POU2F1: variants seen among roughly 807,000 people sequenced by gnomAD.
The protein encoded by POU2F1 is POU domain, class 2, transcription factor 1.
In POU2F1, 16 loss-of-function variants were observed where a neutral mutation model predicts 84.9. That is an observed-to-expected ratio of 0.19 (90% CI 0.13 to 0.29). POU2F1 has a LOEUF of 0.29. POU2F1 is among the 10% of genes least tolerant of loss of function. The probability of loss-of-function intolerance (pLI) is 1.00; values close to 1 mark genes in which losing one functional copy is unlikely to be tolerated. For missense variants in POU2F1, 738 were observed against 942.6 expected (o/e 0.78, Z 2.84); for synonymous variants, 368 against 368.3 (o/e 1.00, Z 0.01).
chr1:167,319,570 C>A (rs781743933), intron 1 of POU2F1, among the ~76,000 whole-genome samples: 3 of 151,760 alleles, frequency 2.0e-5, no homozygotes, highest in Non-Finnish European at 4.4e-5. Flanking sequence ...GTTTAATATT[C>A]CATAGAGAGA....
At chr1:167,314,388 C>T (rs2102611499) in intron 1 of POU2F1, among the ~76,000 whole-genome samples, 1 of 152,270 alleles carries the variant, frequency 6.6e-6, no homozygotes, top group East Asian at 1.9e-4. Context: ...GTGACAATAC[C>T]AAATGCTAGT....
At chr1:167,309,101 T>C (rs1304769524) in intron 1 of POU2F1, among the ~76,000 whole-genome samples, 1 of 150,830 alleles carries the variant, frequency 6.6e-6, no homozygotes, top group Non-Finnish European at 1.5e-5. Context: ...CTTCCACTAG[T>C]GGTTTTTTTT....
intron 1 of POU2F1, among the ~76,000 whole-genome samples, chr1:167,285,607 G>A (rs1467007813): frequency 6.6e-6 from 1 of 151,504 alleles, no homozygotes; most frequent in Non-Finnish European, 1.5e-5. Flanking sequence ...AAAAAAAAAA[G>A]TATTTTTAAT....
chr1:167,393,167 T>A (rs1455194596), intron 9 of POU2F1, among the ~76,000 whole-genome samples: 1 of 152,198 alleles, frequency 6.6e-6, no homozygotes, highest in Non-Finnish European at 1.5e-5. Context: ...ATAATATAGT[T>A]AAGATTATAT....
chr1:167,297,605 T>C (rs535674767), intron 1 of POU2F1, among the ~76,000 whole-genome samples: 83 of 152,362 alleles, frequency 5.4e-4, no homozygotes, highest in African/African-American at 1.9e-3. Context: ...TGCAGTTCAC[T>C]TCTGAGCAAG....
Position 167,393,236 on chromosome 1 carries a change from T to C in POU2F1, c.988-3050T>C, listed in dbSNP as rs189259663. On this transcript the variant is annotated intron_variant, in intron 9 of 15. Coordinates refer to ENST00000367866, the MANE Select transcript of POU2F1 (RefSeq NM_002697.4). ...AGTGATAACCCAAGATGGTTGTGAG[T>C]TGGATTATCACGAAAGAGCATTAAA... Among the ~76,000 whole-genome samples the C allele has an allele frequency of 1.9e-3, 291 of 152,242 alleles. 3 individuals carry two copies. The highest frequency in any genetic ancestry group is 1.4e-3 in the Non-Finnish European group (98 of 67,996).
chr1:167,275,322 G>A (rs565298686), intron 1 of POU2F1, among the ~76,000 whole-genome samples: 25 of 151,928 alleles, frequency 1.6e-4, no homozygotes, highest in Non-Finnish European at 3.2e-4. Flanking sequence ...CACTGTGCCC[G>A]GCTGTAATAA....
chr1:167,273,362 C>G (rs576679574), intron 1 of POU2F1, among the ~76,000 whole-genome samples: 1 of 152,356 alleles, frequency 6.6e-6, no homozygotes, highest in South Asian at 2.1e-4. Flanking sequence ...GGCACTGCCT[C>G]TGTGGCGACT....
At chr1:167,366,355 G>T (rs903940792) in intron 3 of POU2F1, among the ~76,000 whole-genome samples, 1 of 152,222 alleles carries the variant, frequency 6.6e-6, no homozygotes, top group African/African-American at 2.4e-5. Flanking sequence ...GGTGCCTAAT[G>T]ATGGTAGTGG....
At chr1:167,374,404 T>G (rs1660194641) in intron 6 of POU2F1, 108 bp downstream of exon 6, 1 of 1,066,640 alleles carries the variant, frequency 9.4e-7, no homozygotes, top group Non-Finnish European at 1.3e-6. Flanking sequence ...CTTAACTGCC[T>G]GAGGAGCTCT....
At chr1:167,221,106 G>C (rs1648092757) in intron 1 of POU2F1, 148 bp downstream of exon 1, 1 of 784,774 alleles carries the variant, frequency 1.3e-6, no homozygotes, top group Admixed American at 2.3e-5. Flanking sequence ...TTGAGCCCCC[G>C]CCGGGCGCTG....
chr1:167,363,841 AT>A lies in POU2F1; in HGVS notation c.128-1624del, dbSNP rs201531796. Reference sequence around the variant, plus strand: ...CTTCATGTTCTATACCTAATTATTCATTCTTATTTAAGTAATACATCTGCCA... The same window carrying A: ...CTTCATGTTCTATACCTAATTATTCATCTTATTTAAGTAATACATCTGCCA... On this transcript the variant is annotated intron_variant, in intron 2 of 15. Transcript: ENST00000367866. Among the ~76,000 whole-genome samples, 775 of 152,330 alleles carry A rather than the reference AT, an allele frequency of 5.1e-3. 7 individuals are homozygous for A. Among genetic ancestry groups the A allele is most frequent in the African/African-American group, 0.018 (731 of 41,564 alleles).
intron 1 of POU2F1, among the ~76,000 whole-genome samples, chr1:167,326,298 CA>C (rs2101712372): frequency 1.3e-5 from 2 of 152,338 alleles, no homozygotes; most frequent in Non-Finnish European, 2.9e-5. Flanking sequence ...TTCCTTTGTA[CA>C]ACGGGTGTTC....
intron 1 of POU2F1, among the ~76,000 whole-genome samples, chr1:167,256,078 T>C (rs1651115034): frequency 6.6e-6 from 1 of 152,212 alleles, no homozygotes; most frequent in African/African-American, 2.4e-5. Flanking sequence ...CACATTACTC[T>C]AGTGAAGCCA....
chr1:167,231,532 G>GA (rs1649061059), intron 1 of POU2F1, among the ~76,000 whole-genome samples: 1 of 152,190 alleles, frequency 6.6e-6, no homozygotes. Context: ...ACTAGATTAT[G>GA]ATGAACCAAT....
intron 1 of POU2F1, chr1:167,241,619 G>C (rs982073712): frequency 2.0e-5 from 3 of 152,126 alleles, no homozygotes; most frequent in African/African-American, 7.2e-5. Context: ...AGGTTTTCCA[G>C]TTTATTTTTA....
At chr1:167,349,707 A>G (rs1267749787) in intron 2 of POU2F1, among the ~76,000 whole-genome samples, 2 of 152,230 alleles carry the variant, frequency 1.3e-5, no homozygotes, top group South Asian at 2.1e-4. Flanking sequence ...TATTGAATAC[A>G]GCATTTATTT....
chr1:167,299,082 G>C (rs2102559028), intron 1 of POU2F1, among the ~76,000 whole-genome samples: 1 of 147,522 alleles, frequency 6.8e-6, no homozygotes, highest in Non-Finnish European at 1.5e-5. Context: ...AGAATCACTT[G>C]AACCTGGGAG....
intron 11 of POU2F1, among the ~76,000 whole-genome samples, 194 bp downstream of exon 11, chr1:167,398,327 GA>G (rs1648956838): frequency 6.6e-6 from 1 of 152,140 alleles, no homozygotes; most frequent in Non-Finnish European, 1.5e-5. Flanking sequence ...GGAGAGACTA[GA>G]ATCACATCCA....
Sources: gnomAD v4.1 joint callset for allele counts (sites outside exome capture counted in the v4.1 genomes callset) on GRCh38, gnomAD v4.1.1 for gene constraint, MANE v1.5 for transcripts, NCBI Gene and HGNC (gene_info 2026-07-23, HGNC 2026-07-21) for gene names.